ARHGAP10: variants seen among roughly 807,000 people sequenced by gnomAD.
The protein encoded by ARHGAP10 is rho GTPase-activating protein 10.
ARHGAP10 carries 87 observed loss-of-function variants against 108.6 expected under a neutral mutation model. The observed-to-expected ratio is 0.80, with a 90% CI of 0.67 to 0.96. The LOEUF (loss-of-function observed/expected upper bound fraction) is 0.96. ARHGAP10 is among the 40% of genes least tolerant of loss of function. The pLI, the probability that ARHGAP10 is intolerant of heterozygous loss-of-function variation, is 0.00. For synonymous variants in ARHGAP10, 347 were observed against 341.1 expected (o/e 1.02, Z -0.19); for missense variants, 939 against 954.5 (o/e 0.98, Z 0.21).
chr4:147,893,283 C>G (rs1377559760), intron 10 of ARHGAP10, among the ~76,000 whole-genome samples: 3 of 151,862 alleles, frequency 2.0e-5, no homozygotes, highest in African/African-American at 4.8e-5. Flanking sequence ...GTCTTAAACT[C>G]CTGACCTCAG....
chr4:147,836,375 A>C (rs1733171110), intron 3 of ARHGAP10, among the ~76,000 whole-genome samples: 1 of 152,204 alleles, frequency 6.6e-6, no homozygotes, highest in African/African-American at 2.4e-5. Context: ...TTCAGGATTG[A>C]AAGTTGATAA....
At chr4:147,742,300 C>T (rs1041218544) in intron 1 of ARHGAP10, among the ~76,000 whole-genome samples, 2 of 152,134 alleles carry the variant, frequency 1.3e-5, no homozygotes, top group South Asian at 4.2e-4. Context: ...AACTCTGCCT[C>T]ACTGGTGGTG....
intron 10 of ARHGAP10, among the ~76,000 whole-genome samples, chr4:147,901,363 G>C (rs1377820771): frequency 2.6e-5 from 4 of 152,214 alleles, no homozygotes; most frequent in Non-Finnish European, 5.9e-5. Context: ...TCCCTTTAAT[G>C]TTAAAGTAAT....
Position 147,732,313 on chromosome 4 carries a change from G to C in ARHGAP10, c.12G>C (p.Gln4His). Residue 4 changes from glutamine to histidine, a missense_variant, in exon 1 of 23, where the codon CAG (glutamine) becomes CAC (histidine). By Grantham distance (24) the Gln-to-His change is conservative. Coordinates refer to ENST00000336498, the MANE Select transcript of ARHGAP10 (RefSeq NM_024605.4). ...CGACCGCTGCCGTCATGGGGCTGCA[G>C]CCCCTGGAGTTCAGCGACTGCTACC... MGL[Q>H]PLEFSDCYLD... is the part of the protein sequence containing the mutation. 1.2e-6 allele frequency: 2 copies of C among 1,611,782 alleles called. No individual in the cohort carries two copies. The highest frequency in any genetic ancestry group is 1.7e-6 in the Non-Finnish European group (2 of 1,179,118).
chr4:148,015,421 G>T (rs1046605791), intron 18 of ARHGAP10, among the ~76,000 whole-genome samples: 1 of 152,122 alleles, frequency 6.6e-6, no homozygotes, highest in African/African-American at 2.4e-5. Context: ...TAATGGGCTT[G>T]GCCTAAGGGA....
chr4:147,771,151 C>T (rs1355372496), intron 1 of ARHGAP10, among the ~76,000 whole-genome samples: 1 of 152,082 alleles, frequency 6.6e-6, no homozygotes, highest in Non-Finnish European at 1.5e-5. Context: ...TGAGACCAGC[C>T]TGGGCAACAA....
rs111943375 is a variant in ARHGAP10 at position 147,803,309 on chromosome 4, T to C, written c.155-19418T>C. On this transcript the variant is annotated intron_variant, in intron 1 of 22. Transcript: ENST00000336498. ...CAGGCATGAGCCACTGCATCCAGCCTATTTATTTTTCTTTTTTTATTGATA... is the reference window on the plus strand; with the variant it reads ...CAGGCATGAGCCACTGCATCCAGCCCATTTATTTTTCTTTTTTTATTGATA... Among the ~76,000 whole-genome samples the C allele has an allele frequency of 4.4e-3, 667 of 152,300 alleles. 9 individuals are homozygous for C. Among genetic ancestry groups the C allele is most frequent in the East Asian group, 0.035 (179 of 5,184 alleles).
chr4:147,924,999 C>T (rs1737407388), intron 13 of ARHGAP10, among the ~76,000 whole-genome samples: 1 of 151,684 alleles, frequency 6.6e-6, no homozygotes, highest in African/African-American at 2.4e-5. Flanking sequence ...TAGCAATTTA[C>T]ATTGGGAAAT....
At chr4:147,907,113 C>T (rs1736528225) in intron 11 of ARHGAP10, among the ~76,000 whole-genome samples, 1 of 152,000 alleles carries the variant, frequency 6.6e-6, no homozygotes, top group Admixed American at 6.6e-5. Flanking sequence ...TAGGTGACTG[C>T]TGTAATTGTT....
intron 10 of ARHGAP10, among the ~76,000 whole-genome samples, chr4:147,901,264 T>C (rs1363311025): frequency 6.6e-6 from 1 of 152,236 alleles, no homozygotes; most frequent in Non-Finnish European, 1.5e-5. Flanking sequence ...ACTAATACTT[T>C]AGAGGCAGGG....
At chr4:147,933,591 C>T (rs958038418) in intron 13 of ARHGAP10, among the ~76,000 whole-genome samples, 12 of 150,618 alleles carry the variant, frequency 8.0e-5, no homozygotes, top group East Asian at 1.9e-4. Context: ...AGGCTTGCCA[C>T]GAGTCTCTTC....
rs546884377 is a variant in ARHGAP10, at chr4:148,064,161, G to T, written c.2181-255G>T. On this transcript the variant is annotated intron_variant, in intron 21 of 22. Transcript: ENST00000336498. The stretch of plus-strand genomic sequence containing the variant: ...AGGGCATCCCACCAGGTAGGGAGGA[G>T]AATTAGGTGAAGTGGTTCAGTGACA... Among the ~76,000 whole-genome samples, 3 of 152,310 alleles carry T rather than the reference G, an allele frequency of 2.0e-5. No individual in the cohort carries two copies. The South Asian group carries it at 6.2e-4, about 32-fold the overall frequency.
intron 16 of ARHGAP10, among the ~76,000 whole-genome samples, chr4:147,955,837 A>G (rs1252230522): frequency 6.6e-6 from 1 of 152,170 alleles, no homozygotes; most frequent in Admixed American, 6.5e-5. Context: ...CAGAAGGAAT[A>G]TTATGAGATA....
At chr4:147,955,288 A>C in intron 15 of ARHGAP10, 28 bp from the exon 16 acceptor site, 1 of 1,580,474 alleles carries the variant, frequency 6.3e-7, no homozygotes, top group South Asian at 1.2e-5. Context: ...GATTTATTTG[A>C]TAATTCTGAG....
At chr4:148,008,764 G>A (rs1212793247) in intron 18 of ARHGAP10, among the ~76,000 whole-genome samples, 2 of 152,048 alleles carry the variant, frequency 1.3e-5, no homozygotes, top group Non-Finnish European at 2.9e-5. Context: ...TGAGGTGAGA[G>A]CTATTTTTCT....
intron 10 of ARHGAP10, among the ~76,000 whole-genome samples, chr4:147,898,679 T>G (rs1050412599): frequency 6.6e-6 from 1 of 152,170 alleles, no homozygotes; most frequent in African/African-American, 2.4e-5. Context: ...CCACCTGATT[T>G]CCATTTGTGT....
chr4:147,773,998 G>T (rs936616854), intron 1 of ARHGAP10, among the ~76,000 whole-genome samples: 1 of 152,108 alleles, frequency 6.6e-6, no homozygotes, highest in Non-Finnish European at 1.5e-5. Context: ...GTCATTCCTG[G>T]CTCTGCCACT....
chr4:147,989,234 A>C (rs1426492384), intron 18 of ARHGAP10, among the ~76,000 whole-genome samples: 1 of 152,220 alleles, frequency 6.6e-6, no homozygotes. Flanking sequence ...TCAAGTACTT[A>C]ACAGGGTAAT....
At chr4:147,826,401 G>A (rs897610270) in intron 3 of ARHGAP10, among the ~76,000 whole-genome samples, 1 of 152,144 alleles carries the variant, frequency 6.6e-6, no homozygotes, top group East Asian at 1.9e-4. Flanking sequence ...AACGAGAATA[G>A]GGTGGTGTCT....
Sources: gnomAD v4.1 joint callset for allele counts (sites outside exome capture counted in the v4.1 genomes callset) on GRCh38, gnomAD v4.1.1 for gene constraint, MANE v1.5 for transcripts, NCBI Gene and HGNC (gene_info 2026-07-23, HGNC 2026-07-21) for gene names.